The following CTNNA2 variants were observed in gnomAD, a reference collection of about 807,000 sequenced individuals.
CTNNA2 encodes catenin alpha 2.
A neutral mutation model predicts 101.0 loss-of-function variants in CTNNA2; 42 were observed. The ratio of observed to expected loss-of-function variants is 0.42; its 90% CI spans 0.32 to 0.54. The LOEUF is 0.54. Ranked by LOEUF, CTNNA2 falls within the 20% of genes least tolerant of loss-of-function variation. The pLI, the probability that CTNNA2 is intolerant of heterozygous loss-of-function variation, is 0.14. For synonymous variants in CTNNA2, 450 were observed against 456.4 expected, an observed-to-expected ratio of 0.99 and a Z score of 0.18; for missense variants, 871 against 1,223.1, an observed-to-expected ratio of 0.71 and a Z score of 4.29.
At position 79,945,603 on chromosome 2, in the gene CTNNA2, T is replaced by G. The variant is rs1395703880; in HGVS notation, c.1056+35806T>G. 2.6e-5 allele frequency among the ~76,000 whole-genome samples: 4 copies of G among 152,228 alleles called. No individual in the cohort carries two copies. In the East Asian group the frequency reaches 5.8e-4, roughly 22 times the overall value. On this transcript the variant is annotated intron_variant, in intron 7 of 18. Coordinates refer to ENST00000402739, the MANE Select transcript of CTNNA2 (RefSeq NM_001282597.3). Reference sequence around the variant, plus strand: ...TAATAGACATGACCATTTAACTGTCTATTTGAAATCAGCAAAGCACTAGGT... The same window carrying G: ...TAATAGACATGACCATTTAACTGTCGATTTGAAATCAGCAAAGCACTAGGT...
At chr2:79,905,167 A>T (rs148066656) in intron 6 of CTNNA2, among the ~76,000 whole-genome samples, 4 of 152,196 alleles carry the variant, frequency 2.6e-5, no homozygotes, top group Non-Finnish European at 5.9e-5. Flanking sequence ...AATTTTTTAA[A>T]GTAGAGATGT....
chr2:79,904,219 G>T (rs1033169253), intron 6 of CTNNA2, among the ~76,000 whole-genome samples: 1 of 152,038 alleles, frequency 6.6e-6, no homozygotes, highest in African/African-American at 2.4e-5. Flanking sequence ...AACATCATTA[G>T]CCATTTCTCC....
intron 7 of CTNNA2, among the ~76,000 whole-genome samples, chr2:80,332,984 A>C (rs1407017226): frequency 1.3e-5 from 2 of 152,226 alleles, no homozygotes; most frequent in East Asian, 3.8e-4. Flanking sequence ...TAAAATTCAG[A>C]TTTTAGTATC....
chr2:80,638,774 G>A (rs1419782015), intron 18 of CTNNA2, among the ~76,000 whole-genome samples: 2 of 152,210 alleles, frequency 1.3e-5, no homozygotes, highest in Non-Finnish European at 2.9e-5. Context: ...TCAGTGGACT[G>A]GCCGACTATG....
chr2:79,455,629 C>G (rs1252423978), intron 4 of CTNNA2, among the ~76,000 whole-genome samples: 1 of 152,174 alleles, frequency 6.6e-6, no homozygotes, highest in Non-Finnish European at 1.5e-5. Context: ...TTCAAAAAAC[C>G]TGGTTTGCAT....
intron 7 of CTNNA2, among the ~76,000 whole-genome samples, chr2:80,271,687 G>T (rs960059750): frequency 2.6e-5 from 4 of 152,130 alleles, no homozygotes; most frequent in Admixed American, 6.6e-5. Context: ...CTCCCAAAGT[G>T]CTGGGATTAC....
intron 2 of CTNNA2, among the ~76,000 whole-genome samples, chr2:79,673,968 G>A (rs1683022065): frequency 6.6e-6 from 1 of 152,144 alleles, no homozygotes; most frequent in Non-Finnish European, 1.5e-5. Flanking sequence ...AACATGCATA[G>A]ATCTGTGTTG....
chr2:80,183,695 C>G (rs1301975760), intron 7 of CTNNA2, among the ~76,000 whole-genome samples: 2 of 152,186 alleles, frequency 1.3e-5, no homozygotes, highest in African/African-American at 4.8e-5. Context: ...TATTATCATT[C>G]AGATGCAAAA....
intron 7 of CTNNA2, among the ~76,000 whole-genome samples, chr2:80,199,377 A>G (rs963295441): frequency 1.9e-4 from 29 of 152,088 alleles, no homozygotes; most frequent in Admixed American, 2.6e-4. Flanking sequence ...GGTTTTAAGG[A>G]TCTTTAGGAT....
intron 4 of CTNNA2, among the ~76,000 whole-genome samples, chr2:79,490,045 T>C (rs1671194001): frequency 6.6e-6 from 1 of 152,192 alleles, no homozygotes; most frequent in East Asian, 1.9e-4. Flanking sequence ...ATTCATCTGG[T>C]GGCCTAGTTC....
At chr2:80,517,778 G>T (rs1269101821) in intron 9 of CTNNA2, among the ~76,000 whole-genome samples, 2 of 152,098 alleles carry the variant, frequency 1.3e-5, no homozygotes, top group Non-Finnish European at 2.9e-5. Flanking sequence ...TTTTTGCATT[G>T]CATCAACACT....
chr2:80,068,602 C>T (rs1251924774), intron 7 of CTNNA2, among the ~76,000 whole-genome samples: 1 of 152,144 alleles, frequency 6.6e-6, no homozygotes, highest in Non-Finnish European at 1.5e-5. Context: ...GATTGGAGAC[C>T]ATTGCCAAAT....
chr2:79,839,688 C>T (rs1679659613), intron 3 of CTNNA2, among the ~76,000 whole-genome samples: 1 of 151,728 alleles, frequency 6.6e-6, no homozygotes, highest in Admixed American at 6.6e-5. Context: ...CTGGGTCTAA[C>T]CTGTTATTTA....
intron 7 of CTNNA2, among the ~76,000 whole-genome samples, chr2:80,362,880 G>A (rs1674547219): frequency 6.6e-6 from 1 of 151,902 alleles, no homozygotes; most frequent in Admixed American, 6.6e-5. Context: ...AGCTACTTGG[G>A]AGGCTGAGCC....
At chr2:79,634,218 A>G (rs1679870702) in intron 1 of CTNNA2, among the ~76,000 whole-genome samples, 1 of 152,194 alleles carries the variant, frequency 6.6e-6, no homozygotes, top group African/African-American at 2.4e-5. Context: ...CTGCAGCAAA[A>G]TGGCTGCAAG....
chr2:80,566,042 C>G (rs1159343214), intron 12 of CTNNA2, among the ~76,000 whole-genome samples: 1 of 152,098 alleles, frequency 6.6e-6, no homozygotes, highest in African/African-American at 2.4e-5. Flanking sequence ...TTCATGTGTC[C>G]TGCTAGCTAG....
chr2:80,333,279 C>T (rs1051563341), intron 7 of CTNNA2, among the ~76,000 whole-genome samples: 1 of 152,114 alleles, frequency 6.6e-6, no homozygotes, highest in African/African-American at 2.4e-5. Context: ...ATCCCCTTAC[C>T]TACTTACCCA....
At chr2:80,646,739 T>TC (rs1264132040) in intron 18 of CTNNA2, among the ~76,000 whole-genome samples, 1 of 152,078 alleles carries the variant, frequency 6.6e-6, no homozygotes. Flanking sequence ...GATGGGCCTC[T>TC]AAACCTATTC....
intron 7 of CTNNA2, among the ~76,000 whole-genome samples, chr2:80,306,217 A>C (rs1676930865): frequency 6.6e-6 from 1 of 152,146 alleles, no homozygotes; most frequent in African/African-American, 2.4e-5. Context: ...CACAAATCTG[A>C]AATGTCCTAG....
Sources: gnomAD v4.1 joint callset for allele counts (sites outside exome capture counted in the v4.1 genomes callset) on GRCh38, gnomAD v4.1.1 for gene constraint, MANE v1.5 for transcripts, NCBI Gene and HGNC (gene_info 2026-07-23, HGNC 2026-07-21) for gene names.